Variants in NUP133 observed in about 807,000 individuals in gnomAD.
NUP133 encodes nucleoporin 133.
NUP133 carries 66 observed loss-of-function variants against 146.2 expected under a neutral mutation model. The ratio of observed to expected loss-of-function variants is 0.45; its 90% confidence interval spans 0.37 to 0.55. The LOEUF is 0.55. NUP133 is among the 20% of genes least tolerant of loss of function. The pLI, the probability that NUP133 is intolerant of heterozygous loss-of-function variation, is 0.00. For missense variants in NUP133, 1,277 were observed against 1,374.8 expected (o/e 0.93, Z 1.12); for synonymous variants, 521 against 498.8 (o/e 1.04, Z -0.59).
chr1:229,489,015 G>C (rs1438713041), intron 9 of NUP133, among the ~76,000 whole-genome samples: 1 of 152,122 alleles, frequency 6.6e-6, no homozygotes, highest in Admixed American at 6.6e-5. Context: ...TCATTTACAA[G>C]AACTTTGATG....
rs188034239 is a variant in NUP133, at chr1:229,467,372, A to T, written c.2077-616T>A. Among the ~76,000 whole-genome samples the T allele has an allele frequency of 1.1e-4, 17 of 152,340 alleles. No homozygotes were observed. The East Asian group carries it at 2.7e-3, about 24-fold the overall frequency. On this transcript the variant is annotated intron_variant, in intron 15 of 25. Transcript: ENST00000261396. ...CCCCATTATTTAGAGTTTGCATAGC[A>T]ATGGACACTCAGAGATAAGAGGAAA...
chr1:229,479,644 T>A (rs1241799952), intron 12 of NUP133, among the ~76,000 whole-genome samples: 2 of 152,150 alleles, frequency 1.3e-5, no homozygotes, highest in African/African-American at 4.8e-5. Context: ...GATGGAAGAA[T>A]AAGCTTTGGA....
In NUP133 at chr1:229,458,158, C is replaced by T; in HGVS notation, c.2980+3G>A. ...GTAAATCCTTTTGCTCAAATTCTTTCACCTTCAATTTTTTCTTGTAGCATA... is the reference window on the plus strand; with the variant it reads ...GTAAATCCTTTTGCTCAAATTCTTTTACCTTCAATTTTTTCTTGTAGCATA... On this transcript the variant is annotated splice_donor_region_variant and intron_variant, in intron 21 of 25. Coordinates refer to ENST00000261396, the MANE Select transcript of NUP133 (RefSeq NM_018230.3). 6.2e-7 allele frequency: 1 copy of T among 1,607,280 alleles called. No individual in the cohort carries two copies. The highest frequency in any genetic ancestry group is 1.1e-5 in the South Asian group (1 of 90,582).
At chr1:229,486,336 CAT>C (rs749059707) in intron 11 of NUP133, 33 bp downstream of exon 11, 12 of 1,544,856 alleles carry the variant, frequency 7.8e-6, no homozygotes, top group Non-Finnish European at 1.0e-5. Context: ...AAATAAATAA[CAT>C]AAAAACTTCA....
In NUP133 at chr1:229,506,083, A is replaced by C. The variant is rs1462793739; in HGVS notation, c.258T>G (p.Ser86=). 2.5e-6 allele frequency: 4 copies of C among 1,613,288 alleles called. No homozygotes were observed. The highest frequency in any genetic ancestry group is 8.5e-7 in the Non-Finnish European group (1 of 1,179,298). Residue 86 remains serine, a synonymous_variant, in exon 2 of 26, where the codon TCT becomes TCG. Transcript: ENST00000261396. ...CTTCCATGACTTTAACAGGAAGAGA[A>C]GATCCAAACGTTTTCACATCATAGT... is the stretch of plus-strand genomic sequence containing the variant. ...SVNYDVKTFG[S]SLPVKVMEAL...
chr1:229,508,020 G>A (rs779784690), intron 1 of NUP133, 48 bp downstream of exon 1: 2 of 1,409,968 alleles, frequency 1.4e-6, no homozygotes, highest in Non-Finnish European at 1.9e-6. Flanking sequence ...GGCCCACTGC[G>A]GCCCGTGAGG....
At chr1:229,505,371 A>G (rs963783613) in intron 2 of NUP133, among the ~76,000 whole-genome samples, 1 of 152,064 alleles carries the variant, frequency 6.6e-6, no homozygotes, top group Non-Finnish European at 1.5e-5. Context: ...GTGTGTATGT[A>G]TTAAAAAAAC....
chr1:229,470,378 A>G (rs1343382323), intron 15 of NUP133, among the ~76,000 whole-genome samples: 3 of 152,192 alleles, frequency 2.0e-5, no homozygotes, highest in African/African-American at 7.2e-5. Context: ...AGCACTTCTT[A>G]GTCAACTTTG....
chr1:229,466,447 G>A (rs1163959124), intron 16 of NUP133, among the ~76,000 whole-genome samples, 187 bp downstream of exon 16: 1 of 152,170 alleles, frequency 6.6e-6, no homozygotes, highest in African/African-American at 2.4e-5. Flanking sequence ...ATAGGCACCA[G>A]GCTAACATTC....
intron 5 of NUP133, chr1:229,499,202 ATT>A: frequency 2.1e-6 from 1 of 470,922 alleles, no homozygotes. Flanking sequence ...GCTCAGCCAG[ATT>A]TTGTTTCTTT....
chr1:229,445,796 T>C (rs1196293558), intron 24 of NUP133, among the ~76,000 whole-genome samples: 1 of 152,330 alleles, frequency 6.6e-6, no homozygotes, highest in East Asian at 1.9e-4. Flanking sequence ...AACAATCAAG[T>C]AGGCAGAAAG....
intron 25 of NUP133, among the ~76,000 whole-genome samples, chr1:229,443,548 T>C (rs79508250): frequency 0.047 from 7,083 of 152,166 alleles, 284 homozygotes; most frequent in Non-Finnish European, 0.065. Context: ...TCAATGCCTA[T>C]GAAATATAAT....
chr1:229,442,999 G>A (rs1442551674), intron 25 of NUP133, among the ~76,000 whole-genome samples: 1 of 151,988 alleles, frequency 6.6e-6, no homozygotes, highest in Non-Finnish European at 1.5e-5. Flanking sequence ...GAGCCACTGT[G>A]CCCAGCCTAT....
At chr1:229,505,612 T>C (rs1661915154) in intron 2 of NUP133, among the ~76,000 whole-genome samples, 1 of 139,372 alleles carries the variant, frequency 7.2e-6, no homozygotes, top group Non-Finnish European at 1.5e-5. Context: ...GGTGGCCAGA[T>C]GTGGTGGCTC....
intron 12 of NUP133, among the ~76,000 whole-genome samples, chr1:229,480,935 TCTGC>T (rs1251797008): frequency 1.3e-5 from 2 of 151,560 alleles, no homozygotes; most frequent in Non-Finnish European, 2.9e-5. Flanking sequence ...TCTCAAATGA[TCTGC>T]CTGCCTTGGC....
At chr1:229,496,112 T>G in intron 6 of NUP133, 65 bp from the exon 7 acceptor site, 1 of 1,276,296 alleles carries the variant, frequency 7.8e-7, no homozygotes, top group South Asian at 1.7e-5. Context: ...AACTATTGTT[T>G]TAAAAGTCAA....
intron 22 of NUP133, among the ~76,000 whole-genome samples, chr1:229,451,579 T>C (rs193153080): frequency 2.8e-4 from 42 of 152,344 alleles, no homozygotes; most frequent in Admixed American, 2.0e-3. Context: ...ATACTTGCCT[T>C]ATTAAAAATA....
rs1660375709 is a variant in NUP133 at position 229,448,916 on chromosome 1, C to T, written c.3245+210G>A. On this transcript the variant is annotated intron_variant, in intron 24 of 25. Transcript: ENST00000261396. ...AGTCAGGGGCAGTCTGAGCCCTCAACCTGTGGTTGTAGATTGTATCAGGAC... is the reference window on the plus strand; with the variant it reads ...AGTCAGGGGCAGTCTGAGCCCTCAATCTGTGGTTGTAGATTGTATCAGGAC... 7.2e-6 allele frequency: 4 copies of T among 552,746 alleles called. No homozygotes were observed. The South Asian group carries it at 8.7e-5, about 12-fold the overall frequency. 34.2% of individuals were successfully genotyped at this position (552,746 alleles called of 1,614,324 possible).
rs1491123491 is a variant in NUP133 at position 229,449,874 on chromosome 1, T to TATATA, written c.3180+650_3180+651insTATAT. Among the ~76,000 whole-genome samples the TATATA allele has an allele frequency of 9.1e-3, 697 of 76,894 alleles. 2 individuals carry two copies. The highest frequency in any genetic ancestry group is 0.018 in the Middle Eastern group (2 of 114). 50.4% of individuals were successfully genotyped at this position (76,894 alleles called of 152,430 possible). A position where few individuals can be genotyped will look rare whatever the true frequency, so the allele number is the denominator to read the frequency against. ...TTTTATATATATATATATATATATA[T>TATATA]TTTTTTTTTTTTTTTTTTTTTTTTT... On this transcript the variant is annotated intron_variant, in intron 23 of 25. Coordinates refer to ENST00000261396, the MANE Select transcript of NUP133 (RefSeq NM_018230.3).
Sources: allele counts gnomAD v4.1 joint callset (sites outside exome capture counted in the v4.1 genomes callset), GRCh38; gene constraint gnomAD v4.1.1; transcripts MANE v1.5; gene names NCBI Gene and HGNC (gene_info 2026-07-23, HGNC 2026-07-21).